PCDHA10: variants seen among roughly 807,000 people sequenced by gnomAD.
PCDHA10 encodes the protein protocadherin alpha 10.
Under a neutral mutation model 61.2 loss-of-function variants are expected in PCDHA10, and 45 were observed. That is an observed-to-expected ratio of 0.74 (90% confidence interval 0.58 to 0.94). The LOEUF (loss-of-function observed/expected upper bound fraction) is 0.94, where lower values mean the gene tolerates loss of function less well. Ranked by LOEUF, PCDHA10 falls within the 40% of genes least tolerant of loss-of-function variation. PCDHA10 has a pLI of 0.00. For synonymous variants in PCDHA10, 602 were observed against 548.8 expected (o/e 1.10, Z -1.35); for missense variants, 1,278 against 1,236.2 (o/e 1.03, Z -0.51).
At chr5:140,868,958 T>C (rs1033698977) in intron 1 of PCDHA10, 1 of 1,397,386 alleles carries the variant, frequency 7.2e-7, no homozygotes, top group African/African-American at 1.4e-5. Context: ...GGCACTCCCA[T>C]ACAAAGGAAC....
intron 1 of PCDHA10, among the ~76,000 whole-genome samples, chr5:140,888,156 A>G (rs556908449): frequency 6.6e-6 from 1 of 152,182 alleles, no homozygotes; most frequent in African/African-American, 2.4e-5. Flanking sequence ...CATGACTGGT[A>G]ATCTCTAATA....
intron 3 of PCDHA10, among the ~76,000 whole-genome samples, chr5:140,999,676 C>T: frequency 6.6e-6 from 1 of 152,086 alleles, no homozygotes; most frequent in East Asian, 1.9e-4. Flanking sequence ...GGGGGGCTCA[C>T]AGAAAGAAGA....
chr5:140,929,517 A>G, intron 1 of PCDHA10: 1 of 761,634 alleles, frequency 1.3e-6, no homozygotes, highest in Non-Finnish European at 1.9e-6. Context: ...CAAGGGACTT[A>G]TAGTTTATTT....
intron 1 of PCDHA10, chr5:140,877,996 AT>A (rs1305761926): frequency 2.6e-5 from 27 of 1,037,884 alleles, no homozygotes; most frequent in Non-Finnish European, 3.2e-5. Flanking sequence ...ACTTTTATGT[AT>A]TTGTCTAACA....
At chr5:140,955,470 G>C (rs1459601597) in intron 1 of PCDHA10, among the ~76,000 whole-genome samples, 2 of 151,850 alleles carry the variant, frequency 1.3e-5, no homozygotes, top group African/African-American at 4.8e-5. Context: ...CTTTTTGCTT[G>C]GCACCTCTCC....
intron 1 of PCDHA10, chr5:140,865,908 T>A (rs1023181309): frequency 2.6e-5 from 4 of 152,274 alleles, no homozygotes; most frequent in African/African-American, 9.6e-5. Flanking sequence ...GGCAAATCTT[T>A]CTTTCTGTTG....
In PCDHA10 at chr5:141,011,713, T is replaced by G. The variant is rs1198989870; in HGVS notation, c.*1776T>G. 6.5e-6 allele frequency: 1 copy of G among 153,774 alleles called. No individual in the cohort carries two copies. The highest frequency in any genetic ancestry group is 1.5e-5 in the Non-Finnish European group (1 of 68,048). 9.5% of individuals were successfully genotyped at this position (153,774 alleles called of 1,614,324 possible). On this transcript the variant is annotated 3_prime_UTR_variant, in exon 4 of 4. Coordinates refer to ENST00000307360, the MANE Select transcript of PCDHA10 (RefSeq NM_018901.4). Reference sequence around the variant, plus strand: ...ATTTTGGAATGAATACTGACAATATTCCATGAGGGTGTGCAAGCACAAATT... The same window carrying G: ...ATTTTGGAATGAATACTGACAATATGCCATGAGGGTGTGCAAGCACAAATT...
intron 1 of PCDHA10, among the ~76,000 whole-genome samples, chr5:140,963,206 A>C (rs988428405): frequency 2.0e-5 from 3 of 152,084 alleles, no homozygotes; most frequent in East Asian, 1.9e-4. Flanking sequence ...GAAAAAAAAA[A>C]CCTCGTGTTT....
At chr5:140,938,937 C>T (rs1302555937) in intron 1 of PCDHA10, among the ~76,000 whole-genome samples, 4 of 152,070 alleles carry the variant, frequency 2.6e-5, no homozygotes, top group African/African-American at 9.7e-5. Context: ...TTTAACTTTC[C>T]ATTCTTATAA....
At chr5:140,911,299 T>A (rs1583781432) in intron 1 of PCDHA10, among the ~76,000 whole-genome samples, 1 of 152,154 alleles carries the variant, frequency 6.6e-6, no homozygotes, top group Non-Finnish European at 1.5e-5. Flanking sequence ...CTTTTACATA[T>A]CCCCATTCCA....
chr5:140,958,349 G>T lies in PCDHA10; in HGVS notation c.2389-20600G>T, dbSNP rs142186821. Among the ~76,000 whole-genome samples the T allele has an allele frequency of 7.9e-3, 1,199 of 152,218 alleles. 6 individuals carry two copies. The highest frequency in any genetic ancestry group is 0.012 in the Non-Finnish European group (790 of 67,966). On this transcript the variant is annotated intron_variant, in intron 1 of 3. Coordinates refer to ENST00000307360, the MANE Select transcript of PCDHA10 (RefSeq NM_018901.4). ...ATAAATAAATCACAGGAAGTTCACAGTCTGACTTTATCAGGAATGTTGCTA... is the reference window on the plus strand; with the variant it reads ...ATAAATAAATCACAGGAAGTTCACATTCTGACTTTATCAGGAATGTTGCTA...
chr5:140,874,195 A>C (rs2054770978), intron 1 of PCDHA10, among the ~76,000 whole-genome samples: 1 of 152,222 alleles, frequency 6.6e-6, no homozygotes, highest in Non-Finnish European at 1.5e-5. Flanking sequence ...GTCATATTTC[A>C]GTTGCCTTTA....
At chr5:140,920,812 C>T (rs575249440) in intron 1 of PCDHA10, among the ~76,000 whole-genome samples, 126 of 151,392 alleles carry the variant, frequency 8.3e-4, no homozygotes, top group Admixed American at 2.4e-3. Flanking sequence ...CCACTGCACT[C>T]CAGCCTGGCG....
chr5:140,899,407 T>C (rs1183210224), intron 1 of PCDHA10, among the ~76,000 whole-genome samples: 2 of 152,226 alleles, frequency 1.3e-5, no homozygotes, highest in Non-Finnish European at 2.9e-5. Context: ...TGAAGGGTTG[T>C]TGAATTTTGT....
In PCDHA10 at chr5:140,927,810, GGAGGCATACATT is replaced by G. The variant is rs782126534; in HGVS notation, c.2389-51133_2389-51122del. Reference sequence around the variant, plus strand: ...CACTAGGTCCGCCTGAAACGCTCTTGGAGGCATACATTGAGGCGAGGGACGAAGGTGTCTTTG... The same window carrying G: ...CACTAGGTCCGCCTGAAACGCTCTTGGAGGCGAGGGACGAAGGTGTCTTTG... On this transcript the variant is annotated intron_variant, in intron 1 of 3. Transcript: ENST00000307360. 3.7e-6 allele frequency: 6 copies of G among 1,614,082 alleles called. No individual in the cohort carries two copies. The South Asian group carries it at 6.6e-5, about 18-fold the overall frequency.
chr5:140,908,626 T>A (rs1162805222), intron 1 of PCDHA10, among the ~76,000 whole-genome samples: 3 of 152,020 alleles, frequency 2.0e-5, no homozygotes, highest in African/African-American at 4.8e-5. Context: ...ATCCTTGAGG[T>A]CTCCACTGTG....
intron 1 of PCDHA10, among the ~76,000 whole-genome samples, chr5:140,923,882 G>A (rs1261780966): frequency 6.6e-6 from 1 of 152,192 alleles, no homozygotes; most frequent in Non-Finnish European, 1.5e-5. Context: ...AGAAGCGTGT[G>A]AAAGAGGAGG....
chr5:140,943,529 A>C (rs1291911076), intron 1 of PCDHA10, among the ~76,000 whole-genome samples: 1 of 152,220 alleles, frequency 6.6e-6, no homozygotes, highest in Non-Finnish European at 1.5e-5. Flanking sequence ...TCAGTATGCA[A>C]AATGTCATGT....
chr5:140,855,926 G>A lies in PCDHA10; in HGVS notation c.-123G>A, dbSNP rs1420815177. On this transcript the variant is annotated 5_prime_UTR_variant, in exon 1 of 4. Transcript: ENST00000307360. ...AGTTTCTCAAGGACTAGGAAGTAGC[G>A]TCATTCTGAGATCTCAGCCATTTCG... is the stretch of plus-strand genomic sequence containing the variant. 2.4e-6 allele frequency: 3 copies of A among 1,256,218 alleles called. 1 individual carries two copies. The highest frequency in any genetic ancestry group is 3.3e-6 in the Non-Finnish European group (3 of 905,286). 77.8% of individuals were successfully genotyped at this position (1,256,218 alleles called of 1,614,324 possible). A position where few individuals can be genotyped will look rare whatever the true frequency, so the allele number is the denominator to read the frequency against.
Sources: allele counts gnomAD v4.1 joint callset (sites outside exome capture counted in the v4.1 genomes callset), GRCh38; gene constraint gnomAD v4.1.1; transcripts MANE v1.5; gene names NCBI Gene and HGNC (gene_info 2026-07-23, HGNC 2026-07-21).